CADM1: variants seen among roughly 807,000 people sequenced by gnomAD.
The protein encoded by CADM1 is TSLC-1.
In CADM1, 15 loss-of-function variants were observed where a neutral mutation model predicts 53.1. The ratio of observed to expected loss-of-function variants is 0.28; its 90% confidence interval spans 0.19 to 0.44. CADM1 has a LOEUF of 0.44. CADM1 is among the 20% of genes least tolerant of loss of function. CADM1 has a pLI of 1.00. For synonymous variants in CADM1, 281 were observed against 243.0 expected, an observed-to-expected ratio of 1.16 and a Z score of -1.45; for missense variants, 434 against 611.3, an observed-to-expected ratio of 0.71 and a Z score of 3.06.
intron 6 of CADM1, among the ~76,000 whole-genome samples, chr11:115,215,756 C>A (rs1941156256): frequency 6.6e-6 from 1 of 152,208 alleles, no homozygotes; most frequent in African/African-American, 2.4e-5. Flanking sequence ...GAAGTTGAGG[C>A]CACATTTAGA....
chr11:115,485,699 C>T (rs542321206), intron 1 of CADM1, among the ~76,000 whole-genome samples: 1 of 152,200 alleles, frequency 6.6e-6, no homozygotes, highest in Non-Finnish European at 1.5e-5. Flanking sequence ...GAGGCCTCCC[C>T]AGTCACATGG....
At chr11:115,301,599 T>C (rs1319127117) in intron 1 of CADM1, among the ~76,000 whole-genome samples, 2 of 152,084 alleles carry the variant, frequency 1.3e-5, no homozygotes, top group Non-Finnish European at 2.9e-5. Flanking sequence ...TTACTGATCA[T>C]ATAGCCCCCA....
intron 1 of CADM1, among the ~76,000 whole-genome samples, chr11:115,454,260 AG>A (rs1948639198): frequency 6.6e-6 from 1 of 152,210 alleles, no homozygotes; most frequent in South Asian, 2.1e-4. Context: ...CTTTCACTTG[AG>A]GAAGCTGTAA....
intron 1 of CADM1, among the ~76,000 whole-genome samples, chr11:115,285,807 T>A (rs1943714886): frequency 6.6e-6 from 1 of 152,152 alleles, no homozygotes; most frequent in Non-Finnish European, 1.5e-5. Flanking sequence ...AGCTCTCTCA[T>A]CATGTGGGTC....
chr11:115,405,903 A>AG (rs1380475620), intron 1 of CADM1, among the ~76,000 whole-genome samples: 1 of 152,156 alleles, frequency 6.6e-6, no homozygotes, highest in East Asian at 1.9e-4. Flanking sequence ...AAGGTGAGGG[A>AG]GGGGGCAGAC....
chr11:115,484,934 G>A (rs1235058616), intron 1 of CADM1, among the ~76,000 whole-genome samples: 1 of 149,314 alleles, frequency 6.7e-6, no homozygotes, highest in Non-Finnish European at 1.5e-5. Context: ...GCAACAGAGC[G>A]AGACTCTGTC....
intron 1 of CADM1, among the ~76,000 whole-genome samples, chr11:115,293,284 T>C (rs1272243859): frequency 6.6e-6 from 1 of 151,970 alleles, no homozygotes; most frequent in Admixed American, 6.6e-5. Flanking sequence ...ACACAAACAA[T>C]TAGCTGGGCG....
intron 1 of CADM1, among the ~76,000 whole-genome samples, chr11:115,250,178 C>A (rs570959194): frequency 6.6e-6 from 1 of 152,232 alleles, no homozygotes; most frequent in Non-Finnish European, 1.5e-5. Flanking sequence ...GCTGGGATTA[C>A]AAGCATGAGC....
chr11:115,491,492 C>A (rs1297784722), intron 1 of CADM1, among the ~76,000 whole-genome samples: 5 of 151,502 alleles, frequency 3.3e-5, no homozygotes, highest in Admixed American at 2.0e-4. Flanking sequence ...ATGAACCTGG[C>A]GGCGGGGAGC....
At chr11:115,437,072 A>T (rs1948199973) in intron 1 of CADM1, among the ~76,000 whole-genome samples, 1 of 152,212 alleles carries the variant, frequency 6.6e-6, no homozygotes, top group African/African-American at 2.4e-5. Flanking sequence ...AGCATCAAGA[A>T]TTATATAGAC....
intron 1 of CADM1, among the ~76,000 whole-genome samples, chr11:115,328,372 G>C (rs985078134): frequency 6.6e-6 from 1 of 151,914 alleles, no homozygotes; most frequent in Non-Finnish European, 1.5e-5. Context: ...TAATGGGCGA[G>C]AAACAGTGCA....
Position 115,174,266 on chromosome 11 carries a change from A to AT in CADM1, c.*2207dup, listed in dbSNP as rs10565366. On this transcript the variant is annotated 3_prime_UTR_variant, in exon 12 of 12. Transcript: ENST00000331581. ...TGCCAATTCTGTGAGCAATGGTGTG[A>AT]TTTTTTTTTTTTGTTTTTGTTTTTG... 8,826 of 876,304 alleles carry AT rather than the reference A, an allele frequency of 0.01. 30 individuals are homozygous for AT. The highest frequency in any genetic ancestry group is 0.031 in the Admixed American group (496 of 15,866). The allele number at this position is 876,304 out of a possible 1,614,324, so 54.3% of individuals were successfully genotyped here.
At chr11:115,291,144 G>A (rs537266209) in intron 1 of CADM1, among the ~76,000 whole-genome samples, 2 of 152,170 alleles carry the variant, frequency 1.3e-5, no homozygotes, top group African/African-American at 2.4e-5. Context: ...CGAGAGCAAC[G>A]AGGAGTGCCC....
At chr11:115,423,569 T>C (rs543146127) in intron 1 of CADM1, among the ~76,000 whole-genome samples, 1 of 152,322 alleles carries the variant, frequency 6.6e-6, no homozygotes, top group South Asian at 2.1e-4. Flanking sequence ...CCCACCTTTT[T>C]TAAATTTGAA....
Position 115,284,114 on chromosome 11 carries a change from C to CTCTCTCTCTCTCTCTCTCTGTG in CADM1, c.125-43695_125-43694insCACAGAGAGAGAGAGAGAGAGA, listed in dbSNP as rs1351842329. On this transcript the variant is annotated intron_variant, in intron 1 of 11. Transcript: ENST00000331581. ...TCTCTCTCTCTCTCTCTCTCTCTCTCTGTGTGTGTGTGTGTGTGTGTGTGT... is the reference window on the plus strand; with the variant it reads ...TCTCTCTCTCTCTCTCTCTCTCTCTCTCTCTCTCTCTCTCTCTCTGTGTGTGTGTGTGTGTGTGTGTGTGTGT... 1.7e-3 allele frequency among the ~76,000 whole-genome samples: 164 copies of CTCTCTCTCTCTCTCTCTCTGTG among 98,642 alleles called. 2 individuals carry two copies. Among genetic ancestry groups the CTCTCTCTCTCTCTCTCTCTGTG allele is most frequent in the African/African-American group, 3.5e-3 (90 of 26,058 alleles). 64.7% of individuals were successfully genotyped at this position (98,642 alleles called of 152,430 possible).
chr11:115,447,774 G>T (rs1266671385), intron 1 of CADM1, among the ~76,000 whole-genome samples: 1 of 152,144 alleles, frequency 6.6e-6, no homozygotes, highest in Non-Finnish European at 1.5e-5. Context: ...CTCATGAATG[G>T]TTTTCCCCAG....
In CADM1 at chr11:115,272,047, T is replaced by C. The variant is rs116541989; in HGVS notation, c.125-31627A>G. Among the ~76,000 whole-genome samples, 742 of 151,850 alleles carry C rather than the reference T, an allele frequency of 4.9e-3. 8 individuals are homozygous for C. Among genetic ancestry groups the C allele is most frequent in the African/African-American group, 0.017 (715 of 41,488 alleles). ...CTCTCTGGAAGGTCTTAAATGTTAG[T>C]TTAATATCACTTTTTCTGGTTCATT... On this transcript the variant is annotated intron_variant, in intron 1 of 11. Transcript: ENST00000331581.
At chr11:115,358,117 T>A (rs1945925165) in intron 1 of CADM1, among the ~76,000 whole-genome samples, 1 of 152,120 alleles carries the variant, frequency 6.6e-6, no homozygotes, top group Non-Finnish European at 1.5e-5. Context: ...AGAAACATAC[T>A]CATCACTTCT....
intron 1 of CADM1, among the ~76,000 whole-genome samples, chr11:115,262,687 TTGAGTGAACAAA>T (rs1943012502): frequency 6.6e-6 from 1 of 152,208 alleles, no homozygotes; most frequent in African/African-American, 2.4e-5. Flanking sequence ...CAAATACTTC[TTGAGTGAACAAA>T]TGAATGAACA....
Sources: allele counts gnomAD v4.1 joint callset (sites outside exome capture counted in the v4.1 genomes callset), GRCh38; gene constraint gnomAD v4.1.1; transcripts MANE v1.5; gene names NCBI Gene and HGNC (gene_info 2026-07-23, HGNC 2026-07-21).